APAF1: variants seen among roughly 807,000 people sequenced by gnomAD.
APAF1 encodes the protein apoptotic peptidase activating factor 1, also known as apoptotic protease-activating factor 1.
In APAF1, 91 loss-of-function variants were observed where a neutral mutation model predicts 152.4. The ratio of observed to expected loss-of-function variants is 0.60; its 90% CI spans 0.50 to 0.71. The LOEUF is 0.71. Ranked by LOEUF, APAF1 falls within the 30% of genes least tolerant of loss-of-function variation. APAF1 has a pLI of 0.00. For synonymous variants in APAF1, 484 were observed against 494.1 expected (o/e 0.98, Z 0.27); for missense variants, 1,283 against 1,472.0 (o/e 0.87, Z 2.10).
intron 15 of APAF1, among the ~76,000 whole-genome samples, chr12:98,686,490 A>T (rs770050438): frequency 5.9e-5 from 9 of 152,250 alleles, no homozygotes; most frequent in Non-Finnish European, 1.3e-4. Flanking sequence ...TTGTTTAGTT[A>T]GTTATTTAGT....
At chr12:98,710,179 G>GTT (rs71443529) in intron 20 of APAF1, among the ~76,000 whole-genome samples, 23,280 of 127,500 alleles carry the variant, frequency 0.18, 2,302 homozygotes, top group African/African-American at 0.25. Context: ...CGGCCTAAGG[G>GTT]TTTTTTTTTT....
chr12:98,663,665 T>C (rs1052982102), intron 7 of APAF1, among the ~76,000 whole-genome samples: 3 of 152,194 alleles, frequency 2.0e-5, no homozygotes, highest in African/African-American at 7.2e-5. Flanking sequence ...CTTTTTCTTT[T>C]TTTTTCTCTT....
intron 22 of APAF1, 126 bp downstream of exon 22, chr12:98,715,678 A>G: frequency 6.7e-6 from 7 of 1,051,274 alleles, no homozygotes; most frequent in Non-Finnish European, 1.0e-5. Context: ...GATTATGTAC[A>G]TGGGCTTAGA....
intron 6 of APAF1, 25 bp downstream of exon 6, chr12:98,662,593 AG>A: frequency 6.2e-7 from 1 of 1,604,212 alleles, no homozygotes; most frequent in South Asian, 1.1e-5. Flanking sequence ...TTTACTTTTT[AG>A]TACCTTTATA....
At chr12:98,694,804 C>G (rs2097707942) in intron 16 of APAF1, among the ~76,000 whole-genome samples, 1 of 151,888 alleles carries the variant, frequency 6.6e-6, no homozygotes. Context: ...AATACATCAC[C>G]AACAAGTTGA....
At chr12:98,721,320 G>A (rs1237152994) in intron 22 of APAF1, among the ~76,000 whole-genome samples, 1 of 152,206 alleles carries the variant, frequency 6.6e-6, no homozygotes, top group Non-Finnish European at 1.5e-5. Flanking sequence ...AGTTCTTGAT[G>A]CAGAGGGCAG....
chr12:98,689,494 G>A (rs1017203051), intron 16 of APAF1, among the ~76,000 whole-genome samples: 1 of 148,848 alleles, frequency 6.7e-6, no homozygotes, highest in African/African-American at 2.5e-5. Flanking sequence ...GTGTGTGTGT[G>A]TGAGAGAGAG....
intron 15 of APAF1, among the ~76,000 whole-genome samples, chr12:98,685,104 T>A (rs1337598529): frequency 6.6e-6 from 1 of 152,240 alleles, no homozygotes; most frequent in Non-Finnish European, 1.5e-5. Flanking sequence ...CACTTACTAA[T>A]CATTTCTAAA....
intron 5 of APAF1, 60 bp downstream of exon 5, chr12:98,659,403 CTGACCTCT>C: frequency 6.6e-7 from 1 of 1,526,448 alleles, no homozygotes; most frequent in Non-Finnish European, 9.1e-7. Flanking sequence ...GATGTAACTA[CTGACCTCT>C]TGAGAACATC....
At chr12:98,684,373 C>T (rs1445672105) in intron 15 of APAF1, among the ~76,000 whole-genome samples, 1 of 151,056 alleles carries the variant, frequency 6.6e-6, no homozygotes, top group African/African-American at 2.4e-5. Context: ...CTCTCTTCCT[C>T]CCCCTTTCCC....
At position 98,665,566 on chromosome 12, in the gene APAF1, A is replaced by G; in HGVS notation, c.969A>G (p.Val323=). 6.2e-7 allele frequency: 1 copy of G among 1,611,804 alleles called. No individual in the cohort carries two copies. The highest frequency in any genetic ancestry group is 8.5e-7 in the Non-Finnish European group (1 of 1,178,194). Residue 323 remains valine, a synonymous_variant, in exon 8 of 27, where the codon GTA becomes GTG. Coordinates refer to ENST00000551964, the MANE Select transcript of APAF1 (RefSeq NM_181861.2). ...TTTTTTTTAAAGGCTCTCCCCTTGT[A>G]GTATCTTTAATTGGTGCACTTTTAC... ...IIKECKGSPL[V]VSLIGALLRD... is the part of the protein sequence containing the mutation.
chr12:98,680,257 T>C lies in APAF1; in HGVS notation c.1921-20T>C. On this transcript the variant is annotated intron_variant, in intron 13 of 26. Coordinates refer to ENST00000551964, the MANE Select transcript of APAF1 (RefSeq NM_181861.2). The stretch of plus-strand genomic sequence containing the variant: ...GTTAAGCAGTTTATTATAAAAAATA[T>C]TTTATTGTTACTTGTGCAGGTGTTC... 1 of 1,556,124 alleles carries C rather than the reference T, an allele frequency of 6.4e-7. No homozygotes were observed. The highest frequency in any genetic ancestry group is 8.7e-7 in the Non-Finnish European group (1 of 1,149,768).
intron 12 of APAF1, among the ~76,000 whole-genome samples, chr12:98,672,768 T>A (rs1243670021): frequency 1.3e-5 from 2 of 152,196 alleles, no homozygotes; most frequent in Admixed American, 6.5e-5. Context: ...ATTTTATTTT[T>A]TTTGAGACGG....
At chr12:98,660,853 C>T (rs2097664140) in intron 5 of APAF1, among the ~76,000 whole-genome samples, 1 of 152,166 alleles carries the variant, frequency 6.6e-6, no homozygotes, top group Non-Finnish European at 1.5e-5. Context: ...CTGAGTATGG[C>T]AGTGATTCTC....
chr12:98,683,422 T>A (rs1202449989), intron 15 of APAF1, 148 bp downstream of exon 15: 4 of 819,902 alleles, frequency 4.9e-6, no homozygotes, highest in East Asian at 5.2e-5. Flanking sequence ...AAAAAAAAAA[T>A]AGCTTAAAAA....
intron 21 of APAF1, among the ~76,000 whole-genome samples, 153 bp from the exon 22 acceptor site, chr12:98,715,273 TA>T (rs2097733281): frequency 8.2e-6 from 1 of 122,362 alleles, no homozygotes; most frequent in Admixed American, 8.5e-5. Flanking sequence ...TATATATATA[TA>T]TATATATGAC....
In APAF1 at chr12:98,667,618, C is replaced by G; in HGVS notation, c.1468C>G (p.His490Asp). The G allele has an allele frequency of 2.5e-6, 4 of 1,613,880 alleles. No individual in the cohort carries two copies. Among genetic ancestry groups the G allele is most frequent in the Non-Finnish European group, 3.4e-6 (4 of 1,179,954 alleles). ...GTATTGGTACAACTTTCTGGCCTAT[C>G]ACATGGCCAGTGCCAAGATGCACAA... is the stretch of plus-strand genomic sequence containing the variant. ...CMYWYNFLAY[H>D]MASAKMHKEL... is the part of the protein sequence containing the mutation. Residue 490 changes from histidine to aspartate, a missense_variant, in exon 10 of 27, where the codon CAC becomes GAC. Transcript: ENST00000551964.
chr12:98,647,253 TA>T (rs199625521), intron 1 of APAF1, among the ~76,000 whole-genome samples: 11,065 of 125,294 alleles, frequency 0.088, 519 homozygotes, highest in East Asian at 0.23. Context: ...CCGTCTGTAC[TA>T]AAAAAAAAAA....
intron 7 of APAF1, among the ~76,000 whole-genome samples, chr12:98,665,293 T>TTTTTTTTTA (rs2097671198): frequency 7.2e-6 from 1 of 139,296 alleles, no homozygotes; most frequent in African/African-American, 2.6e-5. Flanking sequence ...TTTTTTTTTT[T>TTTTTTTTTA]GTAATGACAT....
Sources: gnomAD v4.1 joint callset for allele counts (sites outside exome capture counted in the v4.1 genomes callset) on GRCh38, gnomAD v4.1.1 for gene constraint, MANE v1.5 for transcripts, NCBI Gene and HGNC (gene_info 2026-07-23, HGNC 2026-07-21) for gene names.